The following SNTG1 variants were observed in gnomAD, a reference collection of about 807,000 sequenced individuals.
The protein encoded by SNTG1 is gamma-1-syntrophin.
In SNTG1, 39 loss-of-function variants were observed where a neutral mutation model predicts 74.7. The ratio of observed to expected loss-of-function variants is 0.52; its 90% CI spans 0.40 to 0.68. The LOEUF (loss-of-function observed/expected upper bound fraction) is 0.68, where lower values mean the gene tolerates loss of function less well. Among genes scored for constraint, SNTG1 ranks in the 30% least tolerant of loss-of-function variants. The pLI is 0.00. For synonymous variants in SNTG1, 254 were observed against 217.1 expected (o/e 1.17, Z -1.49); for missense variants, 685 against 609.5 (o/e 1.12, Z -1.30).
chr8:49,926,128 CAAT>C (rs1807004641), intron 1 of SNTG1, among the ~76,000 whole-genome samples: 2 of 151,916 alleles, frequency 1.3e-5, no homozygotes, highest in South Asian at 2.1e-4. Flanking sequence ...TACTGTAAAA[CAAT>C]AATAAGGTTC....
intron 1 of SNTG1, among the ~76,000 whole-genome samples, chr8:50,075,813 A>C (rs1286464516): frequency 6.6e-6 from 1 of 152,048 alleles, no homozygotes; most frequent in Non-Finnish European, 1.5e-5. Flanking sequence ...GAGCTATAAC[A>C]CTCAACACGA....
At chr8:50,761,856 T>TA (rs2095599919) in intron 18 of SNTG1, among the ~76,000 whole-genome samples, 1 of 151,968 alleles carries the variant, frequency 6.6e-6, no homozygotes, top group South Asian at 2.1e-4. Context: ...ACTACTATTT[T>TA]AAAAGCATGT....
At chr8:50,658,991 G>T (rs913710452) in intron 15 of SNTG1, among the ~76,000 whole-genome samples, 2 of 102,914 alleles carry the variant, frequency 1.9e-5, no homozygotes, top group Non-Finnish European at 5.1e-5. Context: ...AACGTTGGTT[G>T]TTACCATGTT....
chr8:50,504,585 A>T (rs1284860871), intron 9 of SNTG1, among the ~76,000 whole-genome samples: 4 of 152,130 alleles, frequency 2.6e-5, no homozygotes, highest in African/African-American at 9.7e-5. Context: ...TAAGCTCAGG[A>T]GTTCAAGACC....
chr8:50,239,134 A>C lies in SNTG1; in HGVS notation c.-28+66499A>C, dbSNP rs115512152. Reference sequence around the variant, plus strand: ...TGCCATTCAACCCTGCAATCACATTACTGAGTACATAAGCAAAGGAATGTA... The same window carrying C: ...TGCCATTCAACCCTGCAATCACATTCCTGAGTACATAAGCAAAGGAATGTA... On this transcript the variant is annotated intron_variant, in intron 2 of 18. Transcript: ENST00000642720. Among the ~76,000 whole-genome samples the C allele has an allele frequency of 6.9e-3, 1,057 of 152,344 alleles. 13 individuals carry two copies. The highest frequency in any genetic ancestry group is 0.021 in the African/African-American group (858 of 41,578).
chr8:50,057,753 T>C (rs1478107136), intron 1 of SNTG1, among the ~76,000 whole-genome samples: 1 of 152,096 alleles, frequency 6.6e-6, no homozygotes, highest in Non-Finnish European at 1.5e-5. Flanking sequence ...TCCATCCCTG[T>C]TTGAGTTGCT....
intron 1 of SNTG1, among the ~76,000 whole-genome samples, chr8:50,053,148 C>T (rs768436847): frequency 6.6e-6 from 1 of 152,034 alleles, no homozygotes; most frequent in African/African-American, 2.4e-5. Context: ...AGTGGAATTA[C>T]GCACCATAGT....
intron 2 of SNTG1, among the ~76,000 whole-genome samples, chr8:50,330,759 A>T (rs981513138): frequency 6.6e-6 from 1 of 152,150 alleles, no homozygotes; most frequent in African/African-American, 2.4e-5. Flanking sequence ...GGCACAGTAA[A>T]CTTCTTCACG....
At chr8:50,438,463 A>C in intron 4 of SNTG1, 80 bp from the exon 5 acceptor site, 6 of 1,292,618 alleles carry the variant, frequency 4.6e-6, no homozygotes, top group Non-Finnish European at 6.6e-6. Flanking sequence ...ACCCAGAAGA[A>C]AACCAAAAAA....
chr8:50,437,280 A>T (rs1295141408), intron 4 of SNTG1, among the ~76,000 whole-genome samples: 1 of 152,180 alleles, frequency 6.6e-6, no homozygotes, highest in Non-Finnish European at 1.5e-5. Context: ...TCTTATTTTC[A>T]AAATTCAAAA....
In SNTG1 at chr8:50,088,467, C is replaced by T. The variant is rs867804211; in HGVS notation, c.-102-84094C>T. Among the ~76,000 whole-genome samples, 251 of 129,314 alleles carry T rather than the reference C, an allele frequency of 1.9e-3. 1 individual carries two copies. Among genetic ancestry groups the T allele is most frequent in the African/African-American group, 5.7e-3 (207 of 36,134 alleles). 84.8% of individuals were successfully genotyped at this position (129,314 alleles called of 152,430 possible). On this transcript the variant is annotated intron_variant, in intron 1 of 18. Coordinates refer to ENST00000642720, the MANE Select transcript of SNTG1 (RefSeq NM_018967.5). ...TTAGGAAAAGAGGAAGTCAAATTGTCCCTGTTTGCAGACGACATGATTGTA... is the reference window on the plus strand; with the variant it reads ...TTAGGAAAAGAGGAAGTCAAATTGTTCCTGTTTGCAGACGACATGATTGTA...
intron 12 of SNTG1, among the ~76,000 whole-genome samples, chr8:50,559,225 C>A (rs1400234647): frequency 2.6e-5 from 4 of 152,070 alleles, no homozygotes; most frequent in Non-Finnish European, 4.4e-5. Flanking sequence ...GGAATAATTT[C>A]TTGTAGTGTT....
chr8:50,363,038 TA>T lies in SNTG1; in HGVS notation c.-27-31166del, dbSNP rs147286653. Among the ~76,000 whole-genome samples, 1,060 of 152,062 alleles carry T rather than the reference TA, an allele frequency of 7.0e-3. 4 individuals carry two copies. The highest frequency in any genetic ancestry group is 0.012 in the Non-Finnish European group (817 of 67,954). On this transcript the variant is annotated intron_variant, in intron 2 of 18. Transcript: ENST00000642720. ...AGCCCTATCAGGACATAGCAGAACT[TA>T]AAAAAAAGAAAGAAATTCTTATTTT...
chr8:49,928,381 C>T (rs1807240002), intron 1 of SNTG1, among the ~76,000 whole-genome samples: 1 of 151,832 alleles, frequency 6.6e-6, no homozygotes, highest in African/African-American at 2.4e-5. Flanking sequence ...CAGGCACTCA[C>T]CACCGTGCCC....
At chr8:49,935,321 G>C (rs1316416311) in intron 1 of SNTG1, among the ~76,000 whole-genome samples, 1 of 150,534 alleles carries the variant, frequency 6.6e-6, no homozygotes, top group African/African-American at 2.4e-5. Flanking sequence ...ACTCCGATGA[G>C]GACTTTGATG....
intron 1 of SNTG1, among the ~76,000 whole-genome samples, chr8:50,038,885 T>C (rs1289731306): frequency 6.6e-6 from 1 of 152,138 alleles, no homozygotes; most frequent in Non-Finnish European, 1.5e-5. Flanking sequence ...CATTTCACTT[T>C]GGTTAATCAG....
chr8:50,118,309 A>T (rs911500323), intron 1 of SNTG1, among the ~76,000 whole-genome samples: 11 of 131,650 alleles, frequency 8.4e-5, no homozygotes, highest in Admixed American at 2.8e-4. Flanking sequence ...TTCAGGTTTT[A>T]AAAAAAAATT....
chr8:50,181,958 T>C (rs1350067968), intron 2 of SNTG1, among the ~76,000 whole-genome samples: 3 of 152,162 alleles, frequency 2.0e-5, no homozygotes, highest in African/African-American at 7.2e-5. Context: ...GAAATAAATG[T>C]TGTGACAGAA....
chr8:50,232,097 C>A (rs2085658232), intron 2 of SNTG1, among the ~76,000 whole-genome samples: 2 of 151,212 alleles, frequency 1.3e-5, no homozygotes, highest in African/African-American at 4.8e-5. Flanking sequence ...ATGAAGCTAG[C>A]ACTACTGTTC....
Sources: gnomAD v4.1 joint callset for allele counts (sites outside exome capture counted in the v4.1 genomes callset) on GRCh38, gnomAD v4.1.1 for gene constraint, MANE v1.5 for transcripts, NCBI Gene and HGNC (gene_info 2026-07-23, HGNC 2026-07-21) for gene names.